ADCY4: variants seen among roughly 807,000 people sequenced by gnomAD.
ADCY4 encodes adenylate cyclase 4.
Under a neutral mutation model 125.5 loss-of-function variants are expected in ADCY4, and 111 were observed. The observed-to-expected ratio is 0.88, with a 90% CI of 0.76 to 1.04. The LOEUF is 1.04. ADCY4 is among the 50% of genes least tolerant of loss of function. The pLI, the probability that ADCY4 is intolerant of heterozygous loss-of-function variation, is 0.00. For synonymous variants in ADCY4, 576 were observed against 586.9 expected (o/e 0.98, Z 0.27); for missense variants, 1,256 against 1,382.9 (o/e 0.91, Z 1.46).
At position 24,332,782 on chromosome 14, in the gene ADCY4, C is replaced by G. The variant is rs780040632; in HGVS notation, c.357+9G>C. ...CCGTCCCCGCTGCCCCGCCTGCCGC[C>G]CCTCTCACCTGGTCCCAGGCGCTCA... is the stretch of plus-strand genomic sequence containing the variant. On this transcript the variant is annotated intron_variant, in intron 2 of 24. Coordinates refer to ENST00000418030, the MANE Select transcript of ADCY4 (RefSeq NM_001198568.2). The G allele has an allele frequency of 6.5e-7, 1 of 1,541,796 alleles. No individual in the cohort carries two copies. The highest frequency in any genetic ancestry group is 8.8e-7 in the Non-Finnish European group (1 of 1,139,336).
chr14:24,328,319 C>A (rs1349282563), intron 10 of ADCY4, among the ~76,000 whole-genome samples: 2 of 152,122 alleles, frequency 1.3e-5, no homozygotes, highest in African/African-American at 4.8e-5. Context: ...CAGTCAGGCT[C>A]ACCCACAGTT....
intron 15 of ADCY4, 25 bp downstream of exon 15, chr14:24,324,282 A>G (rs1161160385): frequency 6.2e-7 from 1 of 1,613,958 alleles, no homozygotes; most frequent in South Asian, 1.1e-5. Flanking sequence ...CCGGCATACC[A>G]CTTCCACCCC....
chr14:24,321,786 CCCTGCT>C, intron 20 of ADCY4: 1 of 1,138,164 alleles, frequency 8.8e-7, no homozygotes. Context: ...GGCTGGGGAC[CCCTGCT>C]CCAGACAGCT....
In ADCY4 at chr14:24,322,082, T is replaced by C. The variant is rs2041860709; in HGVS notation, c.2570A>G (p.Gln857Arg). The change falls in exon 20 of 25, where the codon CAG becomes CGG. Residue 857 changes from glutamine (Q) to arginine (R), a missense_variant. Gln to Arg is a conservative substitution (Grantham distance 43, BLOSUM62 1). Transcript: ENST00000418030. ...AGGAGTCACCTCGTTGCGCCGGTTCTGGCCAATGAACTGGGGGGCCACGTG... is the reference window on the plus strand; with the variant it reads ...AGGAGTCACCTCGTTGCGCCGGTTCCGGCCAATGAACTGGGGGGCCACGTG... ...PAHVAPQFIG[Q>R]NRRNEDLYHQ... The C allele has an allele frequency of 6.2e-7, 1 of 1,613,482 alleles. No individual in the cohort carries two copies. Among genetic ancestry groups the C allele is most frequent in the South Asian group, 1.1e-5 (1 of 91,066 alleles).
chr14:24,325,692 C>A (rs2139206485), intron 13 of ADCY4, 126 bp downstream of exon 13: 1 of 1,169,778 alleles, frequency 8.5e-7, no homozygotes, highest in South Asian at 1.5e-5. Context: ...GAGAGAGGCA[C>A]AAGCTCCTCA....
intron 20 of ADCY4, among the ~76,000 whole-genome samples, chr14:24,321,376 G>T (rs779201063): frequency 3.3e-5 from 5 of 151,876 alleles, no homozygotes; most frequent in Non-Finnish European, 1.5e-5. Flanking sequence ...AGCTGAGACC[G>T]TGCCATTACA....
At chr14:24,321,710 G>T in intron 20 of ADCY4, 2 of 792,516 alleles carry the variant, frequency 2.5e-6, no homozygotes, top group Non-Finnish European at 3.1e-6. Flanking sequence ...CTGGCTCACC[G>T]CTCACCTCCT....
intron 10 of ADCY4, among the ~76,000 whole-genome samples, chr14:24,327,454 T>C (rs57164636): frequency 0.11 from 16,492 of 152,132 alleles, 1,501 homozygotes; most frequent in African/African-American, 0.25. Flanking sequence ...ACTCCACCCA[T>C]GCTGGAGGTC....
intron 17 of ADCY4, 97 bp downstream of exon 17, chr14:24,323,247 A>G (rs938590864): frequency 3.5e-6 from 5 of 1,408,818 alleles, no homozygotes; most frequent in Non-Finnish European, 4.9e-6. Flanking sequence ...TGTCTGTTCT[A>G]ATCCACAGAA....
Position 24,319,533 on chromosome 14 carries a change from G to A in ADCY4, c.2734-97C>T. 2 of 1,365,774 alleles carry A rather than the reference G, an allele frequency of 1.5e-6. No individual in the cohort carries two copies. The highest frequency in any genetic ancestry group is 2.1e-6 in the Non-Finnish European group (2 of 970,456). The allele number at this position is 1,365,774 out of a possible 1,614,324, so 84.6% of individuals were successfully genotyped here. A position where few individuals can be genotyped will look rare whatever the true frequency, so the allele number is the denominator to read the frequency against. On this transcript the variant is annotated intron_variant, in intron 21 of 24. Transcript: ENST00000418030. This position sits in a 1 kb window ranked among gnomAD's most constrained non-coding sequence, Gnocchi z 4.5. ...CAAGCCTTTGGAGTTAAAGGATCAG[G>A]CTGTGGGAGTGGAGATAGTGTCAGG...
intron 10 of ADCY4, among the ~76,000 whole-genome samples, chr14:24,327,824 C>T (rs984843589): frequency 4.0e-5 from 6 of 151,740 alleles, no homozygotes; most frequent in African/African-American, 1.2e-4. Context: ...ACCCAGGCAC[C>T]GAGGCAAGAG....
At chr14:24,334,356 C>T in intron 1 of ADCY4, 138 bp downstream of exon 1, 1 of 1,394,992 alleles carries the variant, frequency 7.2e-7, no homozygotes, top group Non-Finnish European at 9.4e-7. Context: ...AGGGTCACTG[C>T]AGTTCCTAGC....
chr14:24,334,646 G>A lies in ADCY4; in HGVS notation c.7C>T (p.Arg3Cys). 2 of 1,547,048 alleles carry A rather than the reference G, an allele frequency of 1.3e-6. No individual in the cohort carries two copies. The highest frequency in any genetic ancestry group is 2.4e-5 in the South Asian group (2 of 84,306). Residue 3 changes from arginine to cysteine, a missense_variant, in exon 1 of 25, where the codon CGC becomes TGC. Physicochemically the swap from Arg to Cys is radical, Grantham distance 180. Transcript: ENST00000418030. MA[R>C]LFSPRPPPSE... ...GGGGGCGGCCGGGGGCTGAAGAGGC[G>A]GGCCATGATCTCCCCAGCCCCGAGC...
chr14:24,328,829 T>C, intron 10 of ADCY4: 1 of 584,376 alleles, frequency 1.7e-6, no homozygotes, highest in Non-Finnish European at 3.0e-6. Flanking sequence ...ATGGTGTCTG[T>C]AGGGATCTTG....
Position 24,324,337 on chromosome 14 carries a change from G to C in ADCY4, c.1878C>G (p.Ile626Met). The change falls in exon 15 of 25, where the codon ATC becomes ATG. Residue 626 changes from isoleucine (I) to methionine (M), a missense_variant. Transcript: ENST00000418030. ...YSITFLLFLL[I>M]LFVCFSEDLM... ...GGTCCTCTGAGAAGCAGACAAAAAG[G>C]ATGAGGAGGAAGAGGAGGAAGGTGA... 1 of 1,614,248 alleles carries C rather than the reference G, an allele frequency of 6.2e-7. No homozygotes were observed. The highest frequency in any genetic ancestry group is 8.5e-7 in the Non-Finnish European group (1 of 1,180,040).
At position 24,319,206 on chromosome 14, in the gene ADCY4, C is replaced by G. The variant is rs1055709185; in HGVS notation, c.2848G>C (p.Glu950Gln). ...GTGCCAAGGTGGCTGCAGCTCCGTT[C>G]AGCATCCTGGCAATGGGCCCGCCCA... ...TSGQDAQQDA[E>Q]RSCSHLGTMV... is the part of the protein sequence containing the mutation. The change falls in exon 23 of 25, where the codon GAA becomes CAA. Residue 950 changes from glutamate (E) to glutamine (Q), a missense_variant. By Grantham distance (29) the Glu-to-Gln change is conservative. Coordinates refer to ENST00000418030, the MANE Select transcript of ADCY4 (RefSeq NM_001198568.2). The surrounding 1 kb of genome is among the most constrained non-coding windows in gnomAD (Gnocchi z 4.5). 2 of 1,614,030 alleles carry G rather than the reference C, an allele frequency of 1.2e-6. No homozygotes were observed. Among genetic ancestry groups the G allele is most frequent in the Non-Finnish European group, 1.7e-6 (2 of 1,180,024 alleles).
chr14:24,333,416 G>A (rs2042081487), intron 1 of ADCY4, among the ~76,000 whole-genome samples: 2 of 151,054 alleles, frequency 1.3e-5, no homozygotes, highest in Non-Finnish European at 2.9e-5. Flanking sequence ...TTTAGTAGAA[G>A]ACAGGGTCTC....
At position 24,326,165 on chromosome 14, in the gene ADCY4, C is replaced by T. The variant is rs761032030; in HGVS notation, c.1569G>A (p.Arg523=). ...ASFSTQWSLD[R]SRTPRGLDDE... ...CATCTAGTCCCCGGGGGGTACGGCT[C>T]CTGCACAGTGAGAGCCAAGTCCATC... is the stretch of plus-strand genomic sequence containing the variant. The change falls in exon 12 of 25, where the codon CGG becomes CGA. Residue 523 remains arginine (R), a splice_region_variant and synonymous_variant. Transcript: ENST00000418030. 21 of 1,603,744 alleles carry T rather than the reference C, an allele frequency of 1.3e-5. No homozygotes were observed. In the African/African-American group the frequency reaches 1.5e-4, roughly 11 times the overall value.
rs370315262 is a variant in ADCY4, at chr14:24,329,097, G to A, written c.1488C>T (p.His496=). The A allele has an allele frequency of 7.6e-5, 123 of 1,613,750 alleles. No homozygotes were observed. Among genetic ancestry groups the A allele is most frequent in the Middle Eastern group, 4.9e-4 (3 of 6,072 alleles). Residue 496 remains histidine, a synonymous_variant, in exon 10 of 25, where the codon CAC becomes CAT. Coordinates refer to ENST00000418030, the MANE Select transcript of ADCY4 (RefSeq NM_001198568.2). ...GAAKPFAHLS[H]GDSPVSTSTP... ...TGGAGGTGGACACAGGGCTGTCTCC[G>A]TGGCTCAGGTGGGCAAAAGGCTTGG... is the stretch of plus-strand genomic sequence containing the variant.
Sources: gnomAD v4.1 joint callset for allele counts (sites outside exome capture counted in the v4.1 genomes callset) on GRCh38, gnomAD v4.1.1 for gene constraint, Gnocchi (gnomAD v3.1) non-coding constraint, MANE v1.5 for transcripts, NCBI Gene and HGNC (gene_info 2026-07-23, HGNC 2026-07-21) for gene names.